The following FAM135B variants were observed in gnomAD, a reference collection of about 807,000 sequenced individuals.
The protein encoded by FAM135B is protein FAM135B.
FAM135B carries 43 observed loss-of-function variants against 127.7 expected under a neutral mutation model. The ratio of observed to expected loss-of-function variants is 0.34; its 90% CI spans 0.26 to 0.43. FAM135B has a LOEUF of 0.43. Ranked by LOEUF, FAM135B falls within the 20% of genes least tolerant of loss-of-function variation. The pLI is 1.00. For missense variants in FAM135B, 1,558 were observed against 1,725.6 expected (o/e 0.90, Z 1.72); for synonymous variants, 670 against 665.1 (o/e 1.01, Z -0.11).
At chr8:138,426,060 T>TACAC (rs375950765) in intron 1 of FAM135B, among the ~76,000 whole-genome samples, 19,520 of 127,816 alleles carry the variant, frequency 0.15, 2,469 homozygotes, top group East Asian at 0.32. Flanking sequence ...CATATATATA[T>TACAC]ACACACACAC....
At chr8:138,286,232 ACT>A (rs1824676973) in intron 3 of FAM135B, among the ~76,000 whole-genome samples, 2 of 152,334 alleles carry the variant, frequency 1.3e-5, no homozygotes, top group South Asian at 4.1e-4. Context: ...ACGAGAACAG[ACT>A]CTGCAAACCA....
At chr8:138,340,247 A>G (rs1434172637) in intron 2 of FAM135B, among the ~76,000 whole-genome samples, 1 of 152,202 alleles carries the variant, frequency 6.6e-6, no homozygotes, top group Non-Finnish European at 1.5e-5. Context: ...AGAGCCTTCT[A>G]AAATAATAAT....
chr8:138,488,956 C>T (rs1158119016), intron 1 of FAM135B, among the ~76,000 whole-genome samples: 2 of 152,156 alleles, frequency 1.3e-5, no homozygotes, highest in African/African-American at 2.4e-5. Context: ...TGAGCCATCA[C>T]GCCCGGCGTT....
At chr8:138,332,116 G>A (rs1039406413) in intron 2 of FAM135B, among the ~76,000 whole-genome samples, 6 of 152,144 alleles carry the variant, frequency 3.9e-5, no homozygotes, top group Admixed American at 1.3e-4. Flanking sequence ...CTGAGTCCAA[G>A]GCTTAGGATA....
rs568316191 is a variant in FAM135B, at chr8:138,328,335, G to C, written c.78-17415C>G. Among the ~76,000 whole-genome samples, 3 of 152,124 alleles carry C rather than the reference G, an allele frequency of 2.0e-5. No homozygotes were observed. In the South Asian group the frequency reaches 6.2e-4, roughly 32 times the overall value. On this transcript the variant is annotated intron_variant, in intron 2 of 19. Transcript: ENST00000395297. ...AGGTCTTGACCAGGCTGGGGAAGCCGGGACAGCATTTAACCTATTTATGCC... is the reference window on the plus strand; with the variant it reads ...AGGTCTTGACCAGGCTGGGGAAGCCCGGACAGCATTTAACCTATTTATGCC...
intron 1 of FAM135B, among the ~76,000 whole-genome samples, chr8:138,378,613 G>C (rs1831639078): frequency 6.6e-6 from 1 of 152,098 alleles, no homozygotes; most frequent in South Asian, 2.1e-4. Flanking sequence ...GGGGAGGCTA[G>C]AAATCACATC....
At chr8:138,348,402 G>A (rs976743941) in intron 2 of FAM135B, among the ~76,000 whole-genome samples, 8 of 151,910 alleles carry the variant, frequency 5.3e-5, no homozygotes, top group African/African-American at 7.3e-5. Context: ...CCCAAAGTGC[G>A]GAGATTACAG....
intron 2 of FAM135B, among the ~76,000 whole-genome samples, chr8:138,357,736 C>A (rs1830180593): frequency 1.3e-5 from 2 of 152,082 alleles, no homozygotes; most frequent in Admixed American, 1.3e-4. Flanking sequence ...AAGATCTACT[C>A]AAAAAACTTC....
intron 3 of FAM135B, among the ~76,000 whole-genome samples, chr8:138,285,134 A>ATTTTTTTTTTTTTTTTTT (rs386414180): frequency 1.8e-5 from 1 of 54,748 alleles, no homozygotes; most frequent in African/African-American, 7.1e-5. Context: ...GGCTCTACTA[A>ATTTTTTTTTTTTTTTTTT]TTTTTTTTTT....
At chr8:138,335,904 G>C (rs1018884614) in intron 2 of FAM135B, among the ~76,000 whole-genome samples, 93 of 152,272 alleles carry the variant, frequency 6.1e-4, no homozygotes, top group African/African-American at 1.9e-3. Context: ...ATCACAAACT[G>C]TCTCTCAGAC....
At chr8:138,405,548 A>G (rs1476562918) in intron 1 of FAM135B, among the ~76,000 whole-genome samples, 3 of 151,738 alleles carry the variant, frequency 2.0e-5, no homozygotes, top group East Asian at 3.9e-4. Context: ...TGAACTCATC[A>G]TTTTTCATGG....
At chr8:138,207,530 A>G (rs529221079) in intron 7 of FAM135B, among the ~76,000 whole-genome samples, 1 of 152,246 alleles carries the variant, frequency 6.6e-6, no homozygotes, top group East Asian at 1.9e-4. Context: ...CTTTAAGAAG[A>G]TGAGGGTCTC....
chr8:138,416,027 C>G (rs894869293), intron 1 of FAM135B, among the ~76,000 whole-genome samples: 4 of 152,154 alleles, frequency 2.6e-5, no homozygotes, highest in Admixed American at 2.0e-4. Context: ...TCCCTTGGAG[C>G]ATTCATGCCT....
chr8:138,132,524 A>C lies in FAM135B; in HGVS notation c.*69T>G. On this transcript the variant is annotated 3_prime_UTR_variant, in exon 20 of 20. Coordinates refer to ENST00000395297, the MANE Select transcript of FAM135B (RefSeq NM_015912.4). This position sits in a 1 kb window ranked among gnomAD's most constrained non-coding sequence, Gnocchi z 4.5. The stretch of plus-strand genomic sequence containing the variant: ...TTCATTCTGAAATGGTGAGGTCTGT[A>C]AAAGCAGGTCTCAGCTAAAGCTCTC... 2.3e-6 allele frequency: 3 copies of C among 1,331,886 alleles called. No homozygotes were observed. Among genetic ancestry groups the C allele is most frequent in the Non-Finnish European group, 2.1e-6 (2 of 932,020 alleles). The allele number at this position is 1,331,886 out of a possible 1,614,324, so 82.5% of individuals were successfully genotyped here.
intron 1 of FAM135B, among the ~76,000 whole-genome samples, chr8:138,434,982 T>G (rs1056216344): frequency 2.6e-5 from 4 of 152,116 alleles, no homozygotes; most frequent in African/African-American, 9.7e-5. Flanking sequence ...TATCAGACAA[T>G]GTACATATTT....
intron 1 of FAM135B, among the ~76,000 whole-genome samples, chr8:138,445,999 A>T (rs1836134450): frequency 6.6e-6 from 1 of 152,234 alleles, no homozygotes; most frequent in Non-Finnish European, 1.5e-5. Context: ...AAGCATTCTT[A>T]TACACCAATA....
chr8:138,375,072 T>C (rs1344614304), intron 1 of FAM135B, among the ~76,000 whole-genome samples: 2 of 152,126 alleles, frequency 1.3e-5, no homozygotes, highest in Non-Finnish European at 2.9e-5. Context: ...AGACAGGATC[T>C]AGGAACACAA....
Position 138,152,535 on chromosome 8 carries a change from G to A in FAM135B, c.1940C>T (p.Thr647Ile), listed in dbSNP as rs2130773112. 1 of 1,614,178 alleles carries A rather than the reference G, an allele frequency of 6.2e-7. No individual in the cohort carries two copies. Among genetic ancestry groups the A allele is most frequent in the Admixed American group, 1.7e-5 (1 of 60,016 alleles). Residue 647 changes from threonine (T) to isoleucine (I), a missense_variant, in exon 13 of 20, where the codon ACC becomes ATC. By Grantham distance (89) the Thr-to-Ile change is moderately conservative. Around this residue, in one of 5 missense-constraint regions of FAM135B, gnomAD observed 923 missense variants for 865.3 expected, o/e 1.07. Coordinates refer to ENST00000395297, the MANE Select transcript of FAM135B (RefSeq NM_015912.4). ...CCTAATATCTAAGGGCTCCCTCAGG[G>A]TAGAACTTAGTGGATCACAGGGCTC... ...PSEPCDPLSSTLREPLDIRSS... is the reference protein window; with the variant it reads ...PSEPCDPLSSILREPLDIRSS...
intron 1 of FAM135B, among the ~76,000 whole-genome samples, chr8:138,457,804 T>A (rs1034474632): frequency 2.0e-5 from 3 of 151,910 alleles, no homozygotes; most frequent in Admixed American, 6.6e-5. Flanking sequence ...AAATCCCATC[T>A]CTACTAAAAA....
Sources: allele counts gnomAD v4.1 joint callset (sites outside exome capture counted in the v4.1 genomes callset), GRCh38; gene constraint gnomAD v4.1.1; regional missense constraint gnomAD v4.1.1; non-coding constraint Gnocchi (gnomAD v3.1); transcripts MANE v1.5; gene names NCBI Gene and HGNC (gene_info 2026-07-23, HGNC 2026-07-21).